The following PDXDC1 variants were observed in gnomAD, a reference collection of about 807,000 sequenced individuals.
PDXDC1 encodes pyridoxal-dependent decarboxylase domain-containing protein 1.
A neutral mutation model predicts 100.1 loss-of-function variants in PDXDC1; 42 were observed. The observed-to-expected ratio is 0.42, with a 90% CI of 0.33 to 0.54. PDXDC1 has a LOEUF of 0.54. Ranked by LOEUF, PDXDC1 falls within the 20% of genes least tolerant of loss-of-function variation. The probability of loss-of-function intolerance (pLI) is 0.10; values close to 1 mark genes in which losing one functional copy is unlikely to be tolerated. For missense variants in PDXDC1, 636 were observed against 979.2 expected (o/e 0.65, Z 4.68); for synonymous variants, 260 against 371.7 (o/e 0.70, Z 3.46).
chr16:15,133,186 A>T (rs1408110733), intron 16 of PDXDC1: 1 of 1,025,880 alleles, frequency 9.7e-7, no homozygotes, highest in African/African-American at 1.6e-5. Flanking sequence ...CCCTCCGCAA[A>T]GCTCCAGGCA....
intron 16 of PDXDC1, among the ~76,000 whole-genome samples, chr16:15,093,777 C>A (rs1430343967): frequency 6.6e-6 from 1 of 152,126 alleles, no homozygotes; most frequent in Non-Finnish European, 1.5e-5. Context: ...TTCAATTTGC[C>A]ATGAGTGACG....
rs546507465 is a variant in PDXDC1, at chr16:15,076,470, T to A, written c.1399+46414T>A. The A allele has an allele frequency of 7.6e-6, 7 of 923,634 alleles. No homozygotes were observed. The East Asian group carries it at 1.7e-4, about 22-fold the overall frequency. The allele number at this position is 923,634 out of a possible 1,614,324, so 57.2% of individuals were successfully genotyped here. A position where few individuals can be genotyped will look rare whatever the true frequency, so the allele number is the denominator to read the frequency against. ...TGCTGAACTATTTTAATTCTTTCAA[T>A]CTAAAGCCTTAACAAAGATGAGCAG... On this transcript the variant is annotated intron_variant, in intron 16 of 16. Transcript: ENST00000535621.
chr16:15,092,332 G>T (rs1259274666), intron 16 of PDXDC1, among the ~76,000 whole-genome samples: 3 of 151,888 alleles, frequency 2.0e-5, no homozygotes, highest in Non-Finnish European at 2.9e-5. Context: ...GCCAAGGTGG[G>T]GGAAAAAAAG....
chr16:15,046,015 A>G (rs1020327844), intron 16 of PDXDC1: 2 of 152,304 alleles, frequency 1.3e-5, no homozygotes, highest in Non-Finnish European at 2.9e-5. Flanking sequence ...GAGCGATCAC[A>G]GTTCTACAAC....
chr16:14,992,927 C>T (rs1482233065), intron 1 of PDXDC1, among the ~76,000 whole-genome samples: 4 of 152,058 alleles, frequency 2.6e-5, no homozygotes, highest in Non-Finnish European at 5.9e-5. Context: ...TCATAGCTTA[C>T]TGTAGCCTCA....
intron 16 of PDXDC1, among the ~76,000 whole-genome samples, chr16:15,090,759 T>C (rs1474510097): frequency 1.3e-5 from 2 of 152,028 alleles, no homozygotes; most frequent in Admixed American, 6.5e-5. Context: ...GCCATAGTAA[T>C]AAACCATTCT....
At chr16:15,124,302 C>G (rs956831514) in intron 16 of PDXDC1, among the ~76,000 whole-genome samples, 1 of 152,210 alleles carries the variant, frequency 6.6e-6, no homozygotes, top group African/African-American at 2.4e-5. Context: ...CCCAATCACA[C>G]AGAGTGTGCC....
intron 16 of PDXDC1, among the ~76,000 whole-genome samples, chr16:15,129,524 C>T (rs1319852861): frequency 1.3e-5 from 2 of 152,238 alleles, no homozygotes; most frequent in South Asian, 2.1e-4. Context: ...GAAACAGCCA[C>T]GGGGAGGGTG....
intron 16 of PDXDC1, chr16:15,061,479 C>A (rs1044209150): frequency 5.2e-6 from 2 of 386,696 alleles, no homozygotes; most frequent in Non-Finnish European, 9.2e-6. Flanking sequence ...ACATATTAAA[C>A]AAGCAAATCC....
chr16:15,033,781 C>T (rs1051891572), intron 19 of PDXDC1, among the ~76,000 whole-genome samples: 4 of 152,208 alleles, frequency 2.6e-5, no homozygotes, highest in Non-Finnish European at 4.4e-5. Flanking sequence ...GTGGTTCCCC[C>T]TACACCCCTT....
intron 16 of PDXDC1, among the ~76,000 whole-genome samples, chr16:15,126,498 T>C (rs2047736081): frequency 3.1e-5 from 4 of 128,756 alleles, no homozygotes; most frequent in African/African-American, 1.1e-4. Flanking sequence ...ACGTGTGCAT[T>C]CCTAAGGGGT....
At chr16:15,142,183 G>A (rs1206825913), downstream of PDXDC1, among the ~76,000 whole-genome samples, 1 of 152,260 alleles carries the variant, frequency 6.6e-6, no homozygotes, top group East Asian at 1.9e-4. Context: ...GGCTGCTGCT[G>A]GGAGCTGACA....
At chr16:15,073,042 C>G in intron 16 of PDXDC1, 1 of 1,612,882 alleles carries the variant, frequency 6.2e-7, no homozygotes, top group Non-Finnish European at 8.5e-7. Flanking sequence ...TTTATCAGGT[C>G]GCGATATAGA....
chr16:15,079,918 T>C (rs1311249588), intron 16 of PDXDC1: 4 of 1,390,932 alleles, frequency 2.9e-6, no homozygotes, highest in African/African-American at 1.5e-5. Flanking sequence ...TTTCTATCAC[T>C]GACTATTGTT....
At chr16:15,028,510 G>A (rs1246384623) in intron 14 of PDXDC1, among the ~76,000 whole-genome samples, 1 of 152,298 alleles carries the variant, frequency 6.6e-6, no homozygotes, top group African/African-American at 2.4e-5. Flanking sequence ...CGGGCTCTGT[G>A]CCTGGCACGG....
chr16:14,976,780 G>GGAGA (rs1966856448), intron 1 of PDXDC1: 1 of 152,478 alleles, frequency 6.6e-6, no homozygotes, highest in South Asian at 2.1e-4. Context: ...CCCCCACGCT[G>GGAGA]GAGAATTCTC....
Position 15,035,620 on chromosome 16 carries a change from T to C in PDXDC1, c.2107+67T>C, listed in dbSNP as rs1341836021. On this transcript the variant is annotated intron_variant, in intron 22 of 22. Coordinates refer to ENST00000396410, the MANE Select transcript of PDXDC1 (RefSeq NM_015027.4). ...CCTGTTGACTGTTACTTGCGTTTGT[T>C]TTCTGGGTTCTTGAACTCCAGAGGT... 5.5e-6 allele frequency: 5 copies of C among 907,800 alleles called. No individual in the cohort carries two copies. The East Asian group carries it at 1.1e-4, about 20-fold the overall frequency. The allele number at this position is 907,800 out of a possible 1,614,324, so 56.2% of individuals were successfully genotyped here.
chr16:15,012,518 A>G (rs1242692391), intron 8 of PDXDC1, among the ~76,000 whole-genome samples: 1 of 152,288 alleles, frequency 6.6e-6, no homozygotes, highest in Non-Finnish European at 1.5e-5. Flanking sequence ...AGTGAAATGC[A>G]AATTAAGATC....
At chr16:15,008,031 A>G (rs1288140547) in intron 6 of PDXDC1, among the ~76,000 whole-genome samples, 4 of 152,292 alleles carry the variant, frequency 2.6e-5, no homozygotes, top group African/African-American at 7.2e-5. Flanking sequence ...GGTGGCTTAT[A>G]GGGTAGGGGG....
Sources: allele counts gnomAD v4.1 joint callset (sites outside exome capture counted in the v4.1 genomes callset), GRCh38; gene constraint gnomAD v4.1.1; transcripts MANE v1.5; gene names NCBI Gene and HGNC (gene_info 2026-07-23, HGNC 2026-07-21).